PCDH15: variants seen among roughly 807,000 people sequenced by gnomAD.
PCDH15 encodes protocadherin related 15, also known as protocadherin-15.
PCDH15 carries 129 observed loss-of-function variants against 178.5 expected under a neutral mutation model. The observed-to-expected ratio is 0.72, with a 90% CI of 0.63 to 0.84. The LOEUF (loss-of-function observed/expected upper bound fraction) is 0.84, where lower values mean the gene tolerates loss of function less well. Among genes scored for constraint, PCDH15 ranks in the 40% least tolerant of loss-of-function variants. PCDH15 has a pLI of 0.00. For synonymous variants in PCDH15, 800 were observed against 732.0 expected, an observed-to-expected ratio of 1.09 and a Z score of -1.50; for missense variants, 2,230 against 2,099.9, an observed-to-expected ratio of 1.06 and a Z score of -1.21.
chr10:54,396,762 C>T (rs1565171156), intron 3 of PCDH15, among the ~76,000 whole-genome samples: 3 of 152,074 alleles, frequency 2.0e-5, no homozygotes, highest in Admixed American at 6.6e-5. Flanking sequence ...ACATATCCTT[C>T]TAAAATGCAG....
At chr10:54,102,816 C>T (rs893402819) in intron 15 of PCDH15, among the ~76,000 whole-genome samples, 2 of 152,128 alleles carry the variant, frequency 1.3e-5, no homozygotes, top group African/African-American at 4.8e-5. Flanking sequence ...TGGATAACCA[C>T]TATAAGACAG....
At chr10:55,558,075 T>C (rs1376603338) in intron 2 of PCDH15, among the ~76,000 whole-genome samples, 2 of 152,052 alleles carry the variant, frequency 1.3e-5, no homozygotes, top group Admixed American at 1.3e-4. Flanking sequence ...CCTCTGTCAT[T>C]AGATGGCCTA....
intron 2 of PCDH15, among the ~76,000 whole-genome samples, chr10:55,437,349 G>GTGT (rs1839066025): frequency 6.6e-6 from 1 of 152,180 alleles, no homozygotes; most frequent in Admixed American, 6.5e-5. Context: ...CTTACACCCA[G>GTGT]AAGGTTATTC....
At chr10:55,582,198 T>C (rs910166304) in intron 2 of PCDH15, among the ~76,000 whole-genome samples, 3 of 152,120 alleles carry the variant, frequency 2.0e-5, no homozygotes, top group Non-Finnish European at 4.4e-5. Context: ...GCAACCAATC[T>C]AGAATCTCAT....
chr10:54,729,281 C>T (rs1294381448), intron 1 of PCDH15, among the ~76,000 whole-genome samples: 1 of 151,604 alleles, frequency 6.6e-6, no homozygotes, highest in African/African-American at 2.4e-5. Context: ...TTATAACCAT[C>T]TAATCTGGGA....
intron 2 of PCDH15, among the ~76,000 whole-genome samples, chr10:55,149,486 A>G (rs904185097): frequency 4.6e-5 from 7 of 152,096 alleles, no homozygotes; most frequent in African/African-American, 1.7e-4. Context: ...TTTAACAAAA[A>G]GGATGACTTG....
chr10:54,482,684 G>A (rs1389121901), intron 3 of PCDH15, among the ~76,000 whole-genome samples: 1 of 151,800 alleles, frequency 6.6e-6, no homozygotes, highest in East Asian at 1.9e-4. Flanking sequence ...TGAAACACTT[G>A]TAAGGAGATT....
intron 10 of PCDH15, among the ~76,000 whole-genome samples, chr10:54,197,260 A>C (rs2049768603): frequency 6.6e-6 from 1 of 151,992 alleles, no homozygotes; most frequent in South Asian, 2.1e-4. Flanking sequence ...TTTTCATACA[A>C]AATCTCTACA....
At chr10:55,300,058 C>G (rs1280973681) in intron 1 of PCDH15, among the ~76,000 whole-genome samples, 1 of 152,092 alleles carries the variant, frequency 6.6e-6, no homozygotes, top group Non-Finnish European at 1.5e-5. Flanking sequence ...TTTGATTAGA[C>G]AATTCTCACA....
chr10:55,608,576 C>A (rs1843285760), intron 2 of PCDH15, among the ~76,000 whole-genome samples: 1 of 151,778 alleles, frequency 6.6e-6, no homozygotes, highest in Non-Finnish European at 1.5e-5. Context: ...TACCAAAACA[C>A]CATGGGTTCT....
At chr10:54,358,930 A>C (rs1314932260) in intron 5 of PCDH15, among the ~76,000 whole-genome samples, 1 of 148,958 alleles carries the variant, frequency 6.7e-6, no homozygotes, top group Non-Finnish European at 1.5e-5. Context: ...CAAACACCGC[A>C]TATTCTCATT....
At chr10:54,721,309 T>C (rs775313461) in intron 1 of PCDH15, among the ~76,000 whole-genome samples, 14 of 151,706 alleles carry the variant, frequency 9.2e-5, no homozygotes, top group Non-Finnish European at 5.9e-5. Context: ...CATCCAAATT[T>C]TGCACCTCAA....
At chr10:54,404,885 A>T (rs1952435988) in intron 3 of PCDH15, among the ~76,000 whole-genome samples, 1 of 152,146 alleles carries the variant, frequency 6.6e-6, no homozygotes, top group Non-Finnish European at 1.5e-5. Context: ...CAACAAGCGT[A>T]TGGAAAAAAA....
intron 32 of PCDH15, among the ~76,000 whole-genome samples, chr10:53,825,905 G>A (rs1365639282): frequency 6.6e-6 from 1 of 151,358 alleles, no homozygotes; most frequent in Admixed American, 6.6e-5. Context: ...AATAATCTTA[G>A]GTATTGCTAT....
At chr10:55,160,748 C>A (rs1196398584) in intron 2 of PCDH15, among the ~76,000 whole-genome samples, 1 of 152,068 alleles carries the variant, frequency 6.6e-6, no homozygotes, top group African/African-American at 2.4e-5. Flanking sequence ...ATCGCCACCT[C>A]CTTTTCCTTA....
intron 2 of PCDH15, among the ~76,000 whole-genome samples, chr10:54,613,955 T>G (rs1045500881): frequency 3.3e-5 from 5 of 151,942 alleles, no homozygotes; most frequent in African/African-American, 1.2e-4. Flanking sequence ...AATTTAAAAT[T>G]ATATAGTTTT....
At chr10:55,166,628 C>G (rs1591958649) in exon 2 of PCDH15, 1 of 152,234 alleles carries the variant, frequency 6.6e-6, no homozygotes, top group East Asian at 1.9e-4. Flanking sequence ...TCAACTGTTT[C>G]TAGGGAATGA....
intron 3 of PCDH15, among the ~76,000 whole-genome samples, chr10:54,421,822 A>ATATATATATATACACACACAC (rs1955432862): frequency 1.3e-5 from 1 of 75,478 alleles, no homozygotes; most frequent in African/African-American, 5.8e-5. Flanking sequence ...GTGTGTATAT[A>ATATATATATATACACACACAC]TATATATATA....
chr10:53,823,017 A>C, intron 32 of PCDH15: 1 of 1,613,938 alleles, frequency 6.2e-7, no homozygotes, highest in Non-Finnish European at 8.5e-7. Context: ...CAGCCTCTGA[A>C]TCTTTTCTCT....
Sources: allele counts gnomAD v4.1 joint callset (sites outside exome capture counted in the v4.1 genomes callset), GRCh38; gene constraint gnomAD v4.1.1; transcripts MANE v1.5; gene names NCBI Gene and HGNC (gene_info 2026-07-23, HGNC 2026-07-21).